SEMA6D: variants seen among roughly 807,000 people sequenced by gnomAD.
SEMA6D encodes semaphorin-6D.
Under a neutral mutation model 106.6 loss-of-function variants are expected in SEMA6D, and 35 were observed. The ratio of observed to expected loss-of-function variants is 0.33; its 90% CI spans 0.25 to 0.44. The LOEUF (loss-of-function observed/expected upper bound fraction) is 0.44, where lower values mean the gene tolerates loss of function less well. Ranked by LOEUF, SEMA6D falls within the 20% of genes least tolerant of loss-of-function variation. The pLI is 1.00. For synonymous variants in SEMA6D, 499 were observed against 487.7 expected (o/e 1.02, Z -0.31); for missense variants, 1,185 against 1,345.9 (o/e 0.88, Z 1.87).
chr15:47,279,702 T>C (rs2035016038), intron 1 of SEMA6D, among the ~76,000 whole-genome samples: 1 of 152,200 alleles, frequency 6.6e-6, no homozygotes, highest in African/African-American at 2.4e-5. Flanking sequence ...AGACGTCCCA[T>C]CAATACCTAA....
intron 2 of SEMA6D, among the ~76,000 whole-genome samples, chr15:47,436,947 TA>T (rs1007899397): frequency 4.7e-5 from 4 of 84,412 alleles, no homozygotes; most frequent in African/African-American, 1.4e-4. Flanking sequence ...AAAAAAAAAA[TA>T]AAAGAAGAAA....
intron 1 of SEMA6D, among the ~76,000 whole-genome samples, chr15:47,411,289 G>C (rs546393038): frequency 1.9e-4 from 29 of 152,058 alleles, no homozygotes; most frequent in African/African-American, 6.0e-4. Context: ...CAGAGACGGG[G>C]TTTCGCTGTG....
At chr15:47,336,257 G>A (rs1459689443) in intron 1 of SEMA6D, among the ~76,000 whole-genome samples, 1 of 152,166 alleles carries the variant, frequency 6.6e-6, no homozygotes, top group Non-Finnish European at 1.5e-5. Flanking sequence ...CTGATTGGGG[G>A]ATGTTTCCCC....
chr15:47,259,770 A>C (rs2142060327), intron 1 of SEMA6D, among the ~76,000 whole-genome samples: 1 of 150,836 alleles, frequency 6.6e-6, no homozygotes, highest in Admixed American at 6.6e-5. Context: ...TATTCTTTCA[A>C]CTCCATTCTG....
chr15:47,206,502 T>C (rs906383941), intron 1 of SEMA6D, among the ~76,000 whole-genome samples: 1 of 152,216 alleles, frequency 6.6e-6, no homozygotes, highest in African/African-American at 2.4e-5. Context: ...CCCATCACCC[T>C]GAAATGAACT....
intron 4 of SEMA6D, among the ~76,000 whole-genome samples, chr15:47,616,184 T>A (rs962473676): frequency 1.6e-4 from 24 of 152,194 alleles, no homozygotes; most frequent in African/African-American, 5.5e-4. Context: ...TTTCTTTTTT[T>A]GAGATAGAGT....
intron 3 of SEMA6D, among the ~76,000 whole-genome samples, chr15:47,570,695 G>A (rs9806304): frequency 0.99 from 150,907 of 152,250 alleles, 74,798 homozygotes; most frequent in Middle Eastern, 1. Context: ...TCCACTACCC[G>A]AGGCACACAC....
chr15:47,292,334 G>T (rs182602298), intron 1 of SEMA6D, among the ~76,000 whole-genome samples: 2 of 152,242 alleles, frequency 1.3e-5, no homozygotes, highest in Admixed American at 1.3e-4. Context: ...GTACCTACTG[G>T]CTATATAAAA....
chr15:47,561,898 G>A (rs2142705966), intron 3 of SEMA6D, among the ~76,000 whole-genome samples: 1 of 151,926 alleles, frequency 6.6e-6, no homozygotes, highest in South Asian at 2.1e-4. Context: ...AAACTATATG[G>A]TGCTAAGTTA....
intron 4 of SEMA6D, among the ~76,000 whole-genome samples, chr15:47,665,832 T>A (rs1209785134): frequency 6.6e-6 from 1 of 152,092 alleles, no homozygotes; most frequent in Non-Finnish European, 1.5e-5. Flanking sequence ...TAAATAATAG[T>A]TTACTCATAG....
intron 1 of SEMA6D, among the ~76,000 whole-genome samples, chr15:47,280,284 A>G (rs371902600): frequency 6.6e-6 from 1 of 151,580 alleles, no homozygotes; most frequent in Non-Finnish European, 1.5e-5. Flanking sequence ...GAATTTATCC[A>G]TTTCTTCTAG....
chr15:47,598,968 C>T (rs2143310301), intron 3 of SEMA6D, among the ~76,000 whole-genome samples: 1 of 152,220 alleles, frequency 6.6e-6, no homozygotes, highest in South Asian at 2.1e-4. Context: ...CCTGACGTCA[C>T]TTTTCATATC....
At chr15:47,437,348 G>A (rs1595993567) in intron 2 of SEMA6D, among the ~76,000 whole-genome samples, 1 of 152,044 alleles carries the variant, frequency 6.6e-6, no homozygotes, top group Non-Finnish European at 1.5e-5. Flanking sequence ...AAGAAAACCT[G>A]TGATTTTCAG....
At chr15:47,200,905 G>A (rs1894682059) in intron 1 of SEMA6D, among the ~76,000 whole-genome samples, 1 of 152,176 alleles carries the variant, frequency 6.6e-6, no homozygotes, top group Non-Finnish European at 1.5e-5. Flanking sequence ...AAAACAATAT[G>A]ATGACTGAAT....
At chr15:47,471,617 G>C (rs990356512) in intron 3 of SEMA6D, among the ~76,000 whole-genome samples, 1 of 152,112 alleles carries the variant, frequency 6.6e-6, no homozygotes, top group African/African-American at 2.4e-5. Context: ...GATTCTCTGA[G>C]AAAGGCTGAA....
chr15:47,475,334 A>G (rs932882631), intron 3 of SEMA6D, among the ~76,000 whole-genome samples: 2 of 152,180 alleles, frequency 1.3e-5, no homozygotes, highest in African/African-American at 2.4e-5. Context: ...CCATTTTTCA[A>G]TGAGGAAAAT....
chr15:47,298,246 C>T (rs2035880807), intron 1 of SEMA6D, among the ~76,000 whole-genome samples: 1 of 152,090 alleles, frequency 6.6e-6, no homozygotes, highest in South Asian at 2.1e-4. Flanking sequence ...CATCTCCTAG[C>T]CCTGTGGAGC....
At chr15:47,710,441 G>C (rs1276053668) in intron 4 of SEMA6D, among the ~76,000 whole-genome samples, 4 of 152,186 alleles carry the variant, frequency 2.6e-5, no homozygotes, top group African/African-American at 9.7e-5. Flanking sequence ...AATTTGTGAC[G>C]AGAAATGAAT....
At chr15:47,294,236 CTCTCTT>C (rs1391511034) in intron 1 of SEMA6D, among the ~76,000 whole-genome samples, 1 of 151,820 alleles carries the variant, frequency 6.6e-6, no homozygotes, top group Non-Finnish European at 1.5e-5. Flanking sequence ...AAATCTCTCT[CTCTCTT>C]TTTTTTTTCT....
Sources: gnomAD v4.1 joint callset for allele counts (sites outside exome capture counted in the v4.1 genomes callset) on GRCh38, gnomAD v4.1.1 for gene constraint, MANE v1.5 for transcripts, NCBI Gene and HGNC (gene_info 2026-07-23, HGNC 2026-07-21) for gene names.